ALG6: variants seen among roughly 807,000 people sequenced by gnomAD.
ALG6 encodes the protein dolichyl pyrophosphate Man9GlcNAc2 alpha-1,3-glucosyltransferase.
In ALG6, 46 loss-of-function variants were observed where a neutral mutation model predicts 66.6. That is an observed-to-expected ratio of 0.69 (90% CI 0.55 to 0.88). ALG6 has a LOEUF of 0.88. Ranked by LOEUF, ALG6 falls within the 40% of genes least tolerant of loss-of-function variation. The pLI, the probability that ALG6 is intolerant of heterozygous loss-of-function variation, is 0.00. For missense variants in ALG6, 505 were observed against 586.8 expected, an observed-to-expected ratio of 0.86 and a Z score of 1.44; for synonymous variants, 185 against 203.7, an observed-to-expected ratio of 0.91 and a Z score of 0.78.
At chr1:63,406,287 A>G in intron 5 of ALG6, 30 bp from the exon 6 acceptor site, 1 of 1,586,364 alleles carries the variant, frequency 6.3e-7, no homozygotes, top group Non-Finnish European at 8.7e-7. Context: ...TGATGGACTC[A>G]TGTTTAAAGT....
intron 12 of ALG6, among the ~76,000 whole-genome samples, chr1:63,422,775 G>A (rs923082146): frequency 6.6e-6 from 1 of 151,738 alleles, no homozygotes; most frequent in East Asian, 2.0e-4. Flanking sequence ...GACCAATATG[G>A]AGAAACCCTG....
rs1300794269 is a variant in ALG6, at chr1:63,400,268, C to T, written c.168-1986C>T. ...ACGTATATATATGTATATATATATA[C>T]GTATATATATATACGTATATATATA... On this transcript the variant is annotated intron_variant, in intron 3 of 14. Transcript: ENST00000263440. Among the ~76,000 whole-genome samples the T allele has an allele frequency of 1.0e-3, 13 of 12,970 alleles. 2 individuals carry two copies. The highest frequency in any genetic ancestry group is 3.2e-3 in the African/African-American group (10 of 3,172). The allele number at this position is 12,970 out of a possible 152,430, so 8.5% of individuals were successfully genotyped here.
chr1:63,416,094 C>A, intron 11 of ALG6, 137 bp downstream of exon 11: 1 of 699,520 alleles, frequency 1.4e-6, no homozygotes. Context: ...TTGGATGTTT[C>A]CCATACTTAG....
Position 63,411,206 on chromosome 1 carries a change from C to T in ALG6, c.555C>T (p.Cys185=), listed in dbSNP as rs144065966. The part of the protein sequence containing the change: ...LWGVLGISCD[C]DLLGSLAFCL... Reference sequence around the variant, plus strand: ...GTGTTCTTGGAATATCTTGTGACTGCGACCTCCTAGGGTCACTGGCATTTT... The same window carrying T: ...GTGTTCTTGGAATATCTTGTGACTGTGACCTCCTAGGGTCACTGGCATTTT... Residue 185 remains cysteine, a synonymous_variant, in exon 8 of 15, where the codon TGC becomes TGT. Transcript: ENST00000263440. 2.4e-5 allele frequency: 38 copies of T among 1,613,496 alleles called. No individual in the cohort carries two copies. In the South Asian group the frequency reaches 2.5e-4, roughly 11 times the overall value.
intron 2 of ALG6, among the ~76,000 whole-genome samples, chr1:63,384,868 G>A (rs1387095906): frequency 6.6e-6 from 1 of 151,982 alleles, no homozygotes; most frequent in Non-Finnish European, 1.5e-5. Flanking sequence ...ATGCTGTTTT[G>A]GTTACTGTAG....
intron 3 of ALG6, 50 bp from the exon 4 acceptor site, chr1:63,402,204 C>G: frequency 9.0e-7 from 1 of 1,110,262 alleles, no homozygotes. Context: ...AAGTCTACTT[C>G]TTGAATATTG....
chr1:63,428,775 T>G lies in ALG6; in HGVS notation c.1101T>G (p.Thr367=). 1 of 1,610,218 alleles carries G rather than the reference T, an allele frequency of 6.2e-7. No homozygotes were observed. Among genetic ancestry groups the G allele is most frequent in the Non-Finnish European group, 8.5e-7 (1 of 1,177,506 alleles). Residue 367 remains threonine (T), a synonymous_variant, in exon 13 of 15, where the codon ACT becomes ACG. Transcript: ENST00000263440. ...LVLSEIPFMS[T]WFLLVSTFSM... is the part of the protein sequence containing the mutation. ...TAAGTGAAATTCCTTTTATGTCTAC[T>G]TGGTTTTTACTTGTGTCAACATTTA...
chr1:63,402,436 G>A, intron 4 of ALG6, 93 bp downstream of exon 4: 4 of 656,616 alleles, frequency 6.1e-6, no homozygotes, highest in Non-Finnish European at 1.1e-5. Context: ...GACTAGAGGA[G>A]AGATTGCTTG....
rs1307403764 is a variant in ALG6 at position 63,407,111 on chromosome 1, A to C, written c.479A>C (p.Asp160Ala). 2 of 1,607,396 alleles carry C rather than the reference A, an allele frequency of 1.2e-6. No homozygotes were observed. Among genetic ancestry groups the C allele is most frequent in the Non-Finnish European group, 1.7e-6 (2 of 1,174,562 alleles). ...ILLYPGLILI[D>A]YGHFQYNSVS... Reference sequence around the variant, plus strand: ...CTGTATCCAGGCCTTATTCTTATAGACTATGGACATTTTCAGTATCCTTTA... The same window carrying C: ...CTGTATCCAGGCCTTATTCTTATAGCCTATGGACATTTTCAGTATCCTTTA... The change falls in exon 7 of 15, where the codon GAC becomes GCC. Residue 160 changes from aspartate (D) to alanine (A), a missense_variant. Transcript: ENST00000263440.
At chr1:63,371,824 C>T (rs1397175537) in intron 2 of ALG6, among the ~76,000 whole-genome samples, 4 of 151,974 alleles carry the variant, frequency 2.6e-5, no homozygotes, top group East Asian at 1.9e-4. Context: ...AGGCTGGTGT[C>T]GAACTCCTGA....
chr1:63,426,496 G>T (rs1212560227), intron 12 of ALG6, among the ~76,000 whole-genome samples: 1 of 152,142 alleles, frequency 6.6e-6, no homozygotes, highest in Non-Finnish European at 1.5e-5. Context: ...TTGAGGTTAG[G>T]AGCTGAGTTA....
intron 4 of ALG6, among the ~76,000 whole-genome samples, chr1:63,403,529 T>C (rs1644475618): frequency 6.6e-6 from 1 of 152,212 alleles, no homozygotes; most frequent in East Asian, 1.9e-4. Context: ...AGGAACCTCT[T>C]CACAATATCT....
At chr1:63,372,493 T>C (rs1191899412) in intron 2 of ALG6, among the ~76,000 whole-genome samples, 2 of 134,534 alleles carry the variant, frequency 1.5e-5, no homozygotes, top group African/African-American at 2.7e-5. Context: ...CACACACATA[T>C]ATAGGTATTT....
chr1:63,426,380 A>G (rs1318220382), intron 12 of ALG6, among the ~76,000 whole-genome samples: 1 of 152,182 alleles, frequency 6.6e-6, no homozygotes, highest in East Asian at 1.9e-4. Context: ...CTGTCCTCAG[A>G]GGAGAGAGCC....
At chr1:63,426,000 G>A (rs1295091155) in intron 12 of ALG6, among the ~76,000 whole-genome samples, 1 of 152,078 alleles carries the variant, frequency 6.6e-6, no homozygotes, top group African/African-American at 2.4e-5. Flanking sequence ...TGACCGTAAG[G>A]GACAGGATTA....
At chr1:63,432,445 A>ACATGTAGTTTT (rs1644651299) in intron 14 of ALG6, among the ~76,000 whole-genome samples, 1 of 152,144 alleles carries the variant, frequency 6.6e-6, no homozygotes, top group Non-Finnish European at 1.5e-5. Context: ...AGAGACACTA[A>ACATGTAGTTTT]CATGTAGTTT....
intron 2 of ALG6, 95 bp downstream of exon 2, chr1:63,371,154 GA>G: frequency 1.2e-6 from 1 of 836,364 alleles, no homozygotes; most frequent in Non-Finnish European, 2.0e-6. Context: ...CCAGTACAGA[GA>G]AGAATTTCAG....
intron 2 of ALG6, among the ~76,000 whole-genome samples, chr1:63,380,628 G>A (rs951166606): frequency 3.3e-5 from 5 of 152,140 alleles, no homozygotes; most frequent in Non-Finnish European, 7.4e-5. Context: ...TAAAATCAGA[G>A]TATAGGATAA....
chr1:63,392,038 TG>T lies in ALG6; in HGVS notation c.83-4474del, dbSNP rs1055520124. Among the ~76,000 whole-genome samples, 6 of 152,336 alleles carry T rather than the reference TG, an allele frequency of 3.9e-5. No individual in the cohort carries two copies. The East Asian group carries it at 1.2e-3, about 29-fold the overall frequency. Reference sequence around the variant, plus strand: ...TAATAACTTTTTTTTTCCCCAAAGCTGCATTGGCTGTTTGATGAGAAAGTTG... The same window carrying T: ...TAATAACTTTTTTTTTCCCCAAAGCTCATTGGCTGTTTGATGAGAAAGTTG... On this transcript the variant is annotated intron_variant, in intron 2 of 14. Transcript: ENST00000263440.
Sources: allele counts gnomAD v4.1 joint callset (sites outside exome capture counted in the v4.1 genomes callset), GRCh38; gene constraint gnomAD v4.1.1; transcripts MANE v1.5; gene names NCBI Gene and HGNC (gene_info 2026-07-23, HGNC 2026-07-21).